TRAF3IP1: variants seen among roughly 807,000 people sequenced by gnomAD.
TRAF3IP1 encodes TRAF3-interacting protein 1.
A neutral mutation model predicts 89.9 loss-of-function variants in TRAF3IP1; 53 were observed. The observed-to-expected ratio is 0.59, with a 90% confidence interval of 0.47 to 0.74. The LOEUF (loss-of-function observed/expected upper bound fraction) is 0.74. Ranked by LOEUF, TRAF3IP1 falls within the 30% of genes least tolerant of loss-of-function variation. TRAF3IP1 has a pLI of 0.00. For missense variants in TRAF3IP1, 806 were observed against 866.1 expected, an observed-to-expected ratio of 0.93 and a Z score of 0.87; for synonymous variants, 311 against 322.1, an observed-to-expected ratio of 0.97 and a Z score of 0.37.
intron 15 of TRAF3IP1, among the ~76,000 whole-genome samples, chr2:238,385,639 T>C (rs1465703923): frequency 6.6e-6 from 1 of 152,226 alleles, no homozygotes. Flanking sequence ...ACCTTTTTGC[T>C]ACCAGGGACT....
At chr2:238,326,062 G>C (rs1202848380) in intron 3 of TRAF3IP1, 92 bp downstream of exon 3, 1 of 1,339,030 alleles carries the variant, frequency 7.5e-7, no homozygotes, top group Non-Finnish European at 1.0e-6. Context: ...GCGGTTTAGG[G>C]AAGGAGTTTC....
At chr2:238,397,331 C>T (rs1304068452) in intron 15 of TRAF3IP1, 128 bp from the exon 16 acceptor site, 1 of 753,802 alleles carries the variant, frequency 1.3e-6, no homozygotes, top group Non-Finnish European at 2.2e-6. Context: ...AGTGAGTGTC[C>T]CACAACCAGC....
At chr2:238,369,264 A>G (rs1177829096) in intron 15 of TRAF3IP1, among the ~76,000 whole-genome samples, 2 of 152,230 alleles carry the variant, frequency 1.3e-5, no homozygotes, top group African/African-American at 4.8e-5. Context: ...TTTCTAAGAA[A>G]AGCGGGTTTA....
intron 13 of TRAF3IP1, 88 bp downstream of exon 13, chr2:238,353,038 A>G (rs1699243553): frequency 6.5e-7 from 1 of 1,530,872 alleles, no homozygotes; most frequent in African/African-American, 1.4e-5. Context: ...TATGTAGACA[A>G]AAATGTCCTG....
intron 15 of TRAF3IP1, among the ~76,000 whole-genome samples, chr2:238,390,331 A>G (rs1009384896): frequency 5.3e-5 from 8 of 152,174 alleles, no homozygotes; most frequent in Non-Finnish European, 1.2e-4. Context: ...CGGAGAAAAG[A>G]GCTTTGAGAT....
rs138147535 is a variant in TRAF3IP1 at position 238,338,169 on chromosome 2, T to G, written c.1064-193T>G. 1.1e-4 allele frequency among the ~76,000 whole-genome samples: 16 copies of G among 152,094 alleles called. No homozygotes were observed. In the East Asian group the frequency reaches 3.1e-3, roughly 30 times the overall value. On this transcript the variant is annotated intron_variant, in intron 7 of 16. Coordinates refer to ENST00000373327, the MANE Select transcript of TRAF3IP1 (RefSeq NM_015650.4). ...GAAAACTTGGAGAGGAAGAAAGTGT[T>G]AGGGAAGGAGAGGGGGCTTCTTGTC...
chr2:238,389,653 CAGA>C (rs34042619), intron 15 of TRAF3IP1, among the ~76,000 whole-genome samples: 32,030 of 151,214 alleles, frequency 0.21, 4,038 homozygotes, highest in South Asian at 0.27. Flanking sequence ...GAGGCTGAGG[CAGA>C]AGAATCTCTT....
intron 15 of TRAF3IP1, among the ~76,000 whole-genome samples, chr2:238,362,839 C>T (rs1376736565): frequency 3.3e-5 from 5 of 152,226 alleles, no homozygotes; most frequent in Non-Finnish European, 7.3e-5. Flanking sequence ...TGGCTAGAGG[C>T]CGAGGGTTCC....
chr2:238,366,901 C>A (rs1165077416), intron 15 of TRAF3IP1, among the ~76,000 whole-genome samples: 1 of 152,000 alleles, frequency 6.6e-6, no homozygotes, highest in Non-Finnish European at 1.5e-5. Flanking sequence ...TGGTGGCTCA[C>A]ACCTGTAATC....
At chr2:238,390,955 T>C (rs1459593872) in intron 15 of TRAF3IP1, among the ~76,000 whole-genome samples, 1 of 152,128 alleles carries the variant, frequency 6.6e-6, no homozygotes, top group East Asian at 1.9e-4. Flanking sequence ...CCTTTTCTTT[T>C]CTTTTTTCTT....
At chr2:238,328,591 T>A in intron 3 of TRAF3IP1, 95 bp from the exon 4 acceptor site, 1 of 1,401,964 alleles carries the variant, frequency 7.1e-7, no homozygotes, top group Non-Finnish European at 9.7e-7. Context: ...AGAGAATCTG[T>A]CTCATGAGCT....
Position 238,325,334 on chromosome 2 carries a change from G to T in TRAF3IP1, c.152G>T (p.Gly51Val). The change falls in exon 2 of 17, where the codon GGC (glycine) becomes GTC (valine). Residue 51 changes from glycine to valine, a missense_variant. By Grantham distance (109) the Gly-to-Val change is moderately radical. This residue lies in a region of TRAF3IP1 where 732 missense variants were observed against 780.5 expected (regional missense o/e 0.94). Transcript: ENST00000373327. ...ATTAGAATGACTGGTTTCATGAAGG[G>T]CCTCTACACAGACGCCGAGATGAAG... ...EVIRMTGFMK[G>V]LYTDAEMKSD... The T allele has an allele frequency of 6.2e-7, 1 of 1,614,066 alleles. No homozygotes were observed. Among genetic ancestry groups the T allele is most frequent in the Non-Finnish European group, 8.5e-7 (1 of 1,180,024 alleles).
At chr2:238,328,664 T>C in intron 3 of TRAF3IP1, 22 bp from the exon 4 acceptor site, 1 of 1,609,380 alleles carries the variant, frequency 6.2e-7, no homozygotes, top group South Asian at 1.1e-5. Flanking sequence ...AACACCTCAT[T>C]TCCTTCCATT....
At chr2:238,358,546 T>G (rs979513066) in intron 15 of TRAF3IP1, among the ~76,000 whole-genome samples, 3 of 152,158 alleles carry the variant, frequency 2.0e-5, no homozygotes, top group African/African-American at 7.2e-5. Flanking sequence ...AAAAAACATG[T>G]AGGAAGAGCC....
chr2:238,383,123 C>T (rs2106366929), intron 15 of TRAF3IP1, among the ~76,000 whole-genome samples: 1 of 152,158 alleles, frequency 6.6e-6, no homozygotes, highest in East Asian at 1.9e-4. Context: ...AGTCTGCACC[C>T]AGCTCTCCCC....
Position 238,320,717 on chromosome 2 carries a change from A to C in TRAF3IP1, c.55A>C (p.Arg19=), listed in dbSNP as rs755459056. ...GGAGGCGCTGGGGAAAGTGATTCGG[A>C]GGCCGCCGCTGACCGAGAAGCTGCT... ...TQEALGKVIR[R]PPLTEKLLSK... Residue 19 remains arginine (R), a synonymous_variant, in exon 1 of 17, where the codon AGG becomes CGG. Transcript: ENST00000373327. The C allele has an allele frequency of 6.2e-6, 9 of 1,447,912 alleles. No individual in the cohort carries two copies. Among genetic ancestry groups the C allele is most frequent in the South Asian group, 2.6e-5 (2 of 76,112 alleles). The allele number at this position is 1,447,912 out of a possible 1,614,324, so 89.7% of individuals were successfully genotyped here. A position where few individuals can be genotyped will look rare whatever the true frequency, so the allele number is the denominator to read the frequency against.
chr2:238,359,021 C>T (rs990446988), intron 15 of TRAF3IP1, among the ~76,000 whole-genome samples: 2 of 152,132 alleles, frequency 1.3e-5, no homozygotes, highest in Non-Finnish European at 2.9e-5. Context: ...TGAATGCAGC[C>T]GCAGCATTAG....
At chr2:238,325,614 C>A (rs958141407) in intron 2 of TRAF3IP1, among the ~76,000 whole-genome samples, 195 bp from the exon 3 acceptor site, 1 of 152,088 alleles carries the variant, frequency 6.6e-6, no homozygotes, top group Non-Finnish European at 1.5e-5. Context: ...TAATGCTAGC[C>A]CATCAACTAA....
chr2:238,358,835 C>T (rs927613980), intron 15 of TRAF3IP1, among the ~76,000 whole-genome samples: 44 of 152,204 alleles, frequency 2.9e-4, no homozygotes, highest in African/African-American at 1.0e-3. Flanking sequence ...GGTTTTTCAG[C>T]CATTTCCTTT....
Sources: gnomAD v4.1 joint callset for allele counts (sites outside exome capture counted in the v4.1 genomes callset) on GRCh38, gnomAD v4.1.1 for gene constraint, gnomAD v4.1.1 regional missense constraint, MANE v1.5 for transcripts, NCBI Gene and HGNC (gene_info 2026-07-23, HGNC 2026-07-21) for gene names.